Variants in NIPBL observed in about 807,000 individuals in gnomAD.
NIPBL encodes NIPBL cohesin loading factor, also known as nipped-B-like protein.
NIPBL carries 19 observed loss-of-function variants against 321.8 expected under a neutral mutation model. The ratio of observed to expected loss-of-function variants is 0.06; its 90% CI spans 0.04 to 0.09. NIPBL has a LOEUF of 0.09. Among genes scored for constraint, NIPBL ranks in the 10% least tolerant of loss-of-function variants. The pLI is 1.00. For missense variants in NIPBL, 2,210 were observed against 3,327.0 expected, an observed-to-expected ratio of 0.66 and a Z score of 8.26; for synonymous variants, 1,106 against 1,114.1, an observed-to-expected ratio of 0.99 and a Z score of 0.14.
At chr5:36,877,212 C>T in intron 1 of NIPBL, 34 bp downstream of exon 1, 1 of 185,340 alleles carries the variant, frequency 5.4e-6, no homozygotes, top group Non-Finnish European at 1.1e-5. Flanking sequence ...GCGGCGGCGG[C>T]GGCGGCGCCG....
rs1747555038 is a variant in NIPBL, at chr5:37,007,306, A to G, written c.4088-17A>G. 1 of 1,606,750 alleles carries G rather than the reference A, an allele frequency of 6.2e-7. No individual in the cohort carries two copies. Among genetic ancestry groups the G allele is most frequent in the Admixed American group, 1.7e-5 (1 of 59,736 alleles). ...AAAAGTTGATGTTTTCCTTATCTTGAATTTGTTTCATTTTAGGAGGCTTAT... is the reference window on the plus strand; with the variant it reads ...AAAAGTTGATGTTTTCCTTATCTTGGATTTGTTTCATTTTAGGAGGCTTAT... On this transcript the variant is annotated splice_polypyrimidine_tract_variant and intron_variant, in intron 17 of 46. Transcript: ENST00000282516.
intron 1 of NIPBL, among the ~76,000 whole-genome samples, chr5:36,917,356 T>C (rs1480194217): frequency 6.6e-6 from 1 of 152,152 alleles, no homozygotes; most frequent in Non-Finnish European, 1.5e-5. Flanking sequence ...TCTTGTAAGT[T>C]TGTTTGAGTT....
chr5:37,031,391 T>C (rs1751002091), intron 32 of NIPBL, among the ~76,000 whole-genome samples: 1 of 152,240 alleles, frequency 6.6e-6, no homozygotes, highest in African/African-American at 2.4e-5. Context: ...ACTTCTGTCC[T>C]GAAGGTCCTC....
At chr5:36,957,389 A>G (rs189071670) in intron 3 of NIPBL, among the ~76,000 whole-genome samples, 1 of 152,348 alleles carries the variant, frequency 6.6e-6, no homozygotes, top group African/African-American at 2.4e-5. Flanking sequence ...ATTCCCAGAA[A>G]GTCAGACTCA....
intron 23 of NIPBL, 133 bp from the exon 24 acceptor site, chr5:37,016,885 TG>T: frequency 3.2e-6 from 2 of 622,748 alleles, no homozygotes; most frequent in Non-Finnish European, 5.3e-6. Context: ...AATGACTTTA[TG>T]GGACAATATC....
intron 4 of NIPBL, among the ~76,000 whole-genome samples, chr5:36,959,206 C>A (rs1279378122): frequency 6.6e-6 from 1 of 152,148 alleles, no homozygotes; most frequent in Non-Finnish European, 1.5e-5. Flanking sequence ...GACCCTGTCT[C>A]CAAACAAAAA....
chr5:36,900,004 A>G (rs1417301672), intron 1 of NIPBL, among the ~76,000 whole-genome samples: 1 of 152,192 alleles, frequency 6.6e-6, no homozygotes, highest in Non-Finnish European at 1.5e-5. Context: ...TAAAGCCTTT[A>G]ATAGCCTTAT....
intron 1 of NIPBL, among the ~76,000 whole-genome samples, chr5:36,887,797 G>C (rs189408832): frequency 1.2e-3 from 182 of 152,198 alleles, no homozygotes; most frequent in African/African-American, 4.2e-3. Context: ...TGTCTATCAG[G>C]TACCTCCTGA....
At chr5:37,019,062 C>A (rs996482305) in intron 24 of NIPBL, among the ~76,000 whole-genome samples, 2 of 152,110 alleles carry the variant, frequency 1.3e-5, no homozygotes, top group African/African-American at 4.8e-5. Flanking sequence ...GAGATAGTGC[C>A]ACTGGACTCC....
intron 11 of NIPBL, among the ~76,000 whole-genome samples, chr5:36,998,545 C>T (rs955917241): frequency 6.4e-4 from 98 of 152,224 alleles, no homozygotes; most frequent in Admixed American, 3.5e-3. Flanking sequence ...GGCGCAGTAG[C>T]TCATGCCTGT....
At chr5:36,946,557 T>C (rs1739697113) in intron 1 of NIPBL, among the ~76,000 whole-genome samples, 1 of 146,422 alleles carries the variant, frequency 6.8e-6, no homozygotes, top group African/African-American at 2.6e-5. Flanking sequence ...TGTGTGTGTG[T>C]ATATATATGC....
At chr5:36,924,327 A>G (rs1229857980) in intron 1 of NIPBL, among the ~76,000 whole-genome samples, 1 of 152,184 alleles carries the variant, frequency 6.6e-6, no homozygotes, top group African/African-American at 2.4e-5. Context: ...AAAATTTTAT[A>G]TCAGTTTAAA....
In NIPBL at chr5:37,019,490, A is replaced by C. The variant is rs143338126; in HGVS notation, c.5010+90A>C. The C allele has an allele frequency of 7.8e-4, 687 of 883,224 alleles. 6 individuals are homozygous for C. In the African/African-American group the frequency reaches 9.5e-3, roughly 12 times the overall value. 54.7% of individuals were successfully genotyped at this position (883,224 alleles called of 1,614,324 possible). On this transcript the variant is annotated intron_variant, in intron 25 of 46. Transcript: ENST00000282516. ...GGGAGGTAGCATGATGAAGAGGAAA[A>C]CTTAAGTTGTTTGGAATATTGATTT... is the stretch of plus-strand genomic sequence containing the variant.
At chr5:37,038,577 C>G in intron 33 of NIPBL, 25 bp from the exon 34 acceptor site, 1 of 1,609,468 alleles carries the variant, frequency 6.2e-7, no homozygotes, top group Non-Finnish European at 8.5e-7. Flanking sequence ...ATTTTAGTGT[C>G]TTATTTCTCT....
At chr5:36,881,048 T>G (rs2149514640) in intron 1 of NIPBL, among the ~76,000 whole-genome samples, 1 of 152,134 alleles carries the variant, frequency 6.6e-6, no homozygotes, top group South Asian at 2.1e-4. Flanking sequence ...TTGTTACTTT[T>G]TCAATTATCT....
intron 8 of NIPBL, 135 bp from the exon 9 acceptor site, chr5:36,975,641 A>C: frequency 1.2e-6 from 1 of 866,430 alleles, no homozygotes; most frequent in Non-Finnish European, 1.7e-6. Flanking sequence ...CATCTTTCGT[A>C]AATAAGTAGC....
intron 5 of NIPBL, 130 bp downstream of exon 5, chr5:36,961,713 T>G (rs1741647514): frequency 1.4e-6 from 1 of 733,396 alleles, no homozygotes; most frequent in East Asian, 2.7e-5. Context: ...TAAATAGTAA[T>G]CCACTTTGCA....
intron 14 of NIPBL, among the ~76,000 whole-genome samples, chr5:37,001,716 G>T (rs185081964): frequency 6.6e-6 from 1 of 152,064 alleles, no homozygotes; most frequent in Non-Finnish European, 1.5e-5. Flanking sequence ...AAACAAAATA[G>T]TAAACCAGTT....
At position 36,996,667 on chromosome 5, in the gene NIPBL, G is replaced by A. The variant is rs1056406177; in HGVS notation, c.3304+863G>A. 1 of 368,042 alleles carries A rather than the reference G, an allele frequency of 2.7e-6. No homozygotes were observed. The highest frequency in any genetic ancestry group is 5.4e-6 in the Non-Finnish European group (1 of 186,292). The allele number at this position is 368,042 out of a possible 1,614,324, so 22.8% of individuals were successfully genotyped here. A position where few individuals can be genotyped will look rare whatever the true frequency, so the allele number is the denominator to read the frequency against. On this transcript the variant is annotated intron_variant, in intron 11 of 46. Coordinates refer to ENST00000282516, the MANE Select transcript of NIPBL (RefSeq NM_133433.4). This position sits in a 1 kb window ranked among gnomAD's most constrained non-coding sequence, Gnocchi z 5.0. ...GTCAGCAACCTTGTTTGACTTAAAC[G>A]GCATTCAGTGGAAACAGACTATGGG...
Sources: gnomAD v4.1 joint callset for allele counts (sites outside exome capture counted in the v4.1 genomes callset) on GRCh38, gnomAD v4.1.1 for gene constraint, Gnocchi (gnomAD v3.1) non-coding constraint, MANE v1.5 for transcripts, NCBI Gene and HGNC (gene_info 2026-07-23, HGNC 2026-07-21) for gene names.